Variants in ELP3 observed in about 807,000 individuals in gnomAD.
ELP3 encodes the protein elongator complex protein 3.
In ELP3, 56 loss-of-function variants were observed where a neutral mutation model predicts 74.9. The ratio of observed to expected loss-of-function variants is 0.75; its 90% CI spans 0.60 to 0.93. The LOEUF is 0.93. Ranked by LOEUF, ELP3 falls within the 40% of genes least tolerant of loss-of-function variation. The pLI is 0.00. For missense variants in ELP3, 573 were observed against 686.5 expected (o/e 0.83, Z 1.85); for synonymous variants, 222 against 239.8 (o/e 0.93, Z 0.68).
chr8:28,093,879 T>C (rs1201738800), intron 1 of ELP3, among the ~76,000 whole-genome samples: 1 of 152,254 alleles, frequency 6.6e-6, no homozygotes, highest in Non-Finnish European at 1.5e-5. Flanking sequence ...GCTTGTATTT[T>C]GAAGTCGGTA....
At chr8:28,139,009 G>A (rs1178393686) in intron 10 of ELP3, among the ~76,000 whole-genome samples, 1 of 152,184 alleles carries the variant, frequency 6.6e-6, no homozygotes, top group Non-Finnish European at 1.5e-5. Context: ...GTGCGGAGCA[G>A]TGTAGGTATC....
intron 4 of ELP3, among the ~76,000 whole-genome samples, chr8:28,107,123 T>G (rs1229292852): frequency 2.0e-5 from 3 of 152,006 alleles, no homozygotes; most frequent in Non-Finnish European, 4.4e-5. Flanking sequence ...TGGCATGCGC[T>G]TCTAGTCCCA....
chr8:28,106,497 G>A (rs1398889916), intron 3 of ELP3, among the ~76,000 whole-genome samples: 3 of 140,432 alleles, frequency 2.1e-5, no homozygotes, highest in Non-Finnish European at 3.0e-5. Context: ...CCGAGATCCC[G>A]CCACTGCACT....
chr8:28,155,661 T>G (rs1368413500), intron 10 of ELP3, among the ~76,000 whole-genome samples: 1 of 152,210 alleles, frequency 6.6e-6, no homozygotes, highest in East Asian at 1.9e-4. Context: ...TATTGGGCAT[T>G]CAGTCATTTG....
intron 1 of ELP3, among the ~76,000 whole-genome samples, chr8:28,096,305 A>G (rs1169184579): frequency 6.6e-6 from 1 of 152,248 alleles, no homozygotes; most frequent in African/African-American, 2.4e-5. Context: ...AATAAAGTGC[A>G]CAATAAATGT....
At position 28,129,661 on chromosome 8, in the gene ELP3, C is replaced by G; in HGVS notation, c.777C>G (p.Asn259Lys). The change falls in exon 8 of 15, where the codon AAC (asparagine) becomes AAG (lysine). Residue 259 changes from asparagine (N) to lysine (K), a missense_variant and splice_region_variant. Coordinates refer to ENST00000256398, the MANE Select transcript of ELP3 (RefSeq NM_018091.6). ...SVYEDVARDTNRGHTVKAVCE... is the reference protein window; with the variant it reads ...SVYEDVARDTKRGHTVKAVCE... ...ATGAAGATGTGGCTAGAGACACCAA[C>G]AGGTAAGATGGTGGCAGGTGATCTT... 1.2e-6 allele frequency: 2 copies of G among 1,614,064 alleles called. No homozygotes were observed. Among genetic ancestry groups the G allele is most frequent in the Non-Finnish European group, 1.7e-6 (2 of 1,179,920 alleles).
At chr8:28,096,544 T>A (rs1811259748) in intron 1 of ELP3, among the ~76,000 whole-genome samples, 1 of 152,222 alleles carries the variant, frequency 6.6e-6, no homozygotes, top group South Asian at 2.1e-4. Flanking sequence ...CTTAGAGATA[T>A]GCCCATCCTT....
chr8:28,097,311 C>CTAAA lies in ELP3; in HGVS notation c.116_119dup (p.Val41Ter). The CTAAA allele has an allele frequency of 6.2e-7, 1 of 1,610,458 alleles. No individual in the cohort carries two copies. Among genetic ancestry groups the CTAAA allele is most frequent in the Non-Finnish European group, 8.5e-7 (1 of 1,176,970 alleles). ...CCACGAGCAGGGGAAAGACATCGATCTAAATAAGTAAGTGGATATAAAGAG... is the reference window on the plus strand; with the variant it reads ...CCACGAGCAGGGGAAAGACATCGATCTAAATAAATAAGTAAGTGGATATAAAGAG... On this transcript the variant is annotated frameshift_variant, in exon 2 of 15. Coordinates refer to ENST00000256398, the MANE Select transcript of ELP3 (RefSeq NM_018091.6). LOFTEE classifies it high-confidence loss of function.
chr8:28,160,660 G>C (rs562289545), intron 13 of ELP3, among the ~76,000 whole-genome samples: 6 of 152,282 alleles, frequency 3.9e-5, no homozygotes, highest in Non-Finnish European at 7.4e-5. Flanking sequence ...GATAAACTGA[G>C]ATTCAGTCAG....
At chr8:28,170,846 C>G (rs1365043451) in intron 14 of ELP3, among the ~76,000 whole-genome samples, 1 of 152,156 alleles carries the variant, frequency 6.6e-6, no homozygotes, top group East Asian at 1.9e-4. Flanking sequence ...TTTTAACACC[C>G]TAAACAAACT....
At chr8:28,108,555 C>A (rs1014464371) in intron 5 of ELP3, among the ~76,000 whole-genome samples, 1 of 143,280 alleles carries the variant, frequency 7.0e-6, no homozygotes, top group Non-Finnish European at 1.5e-5. Context: ...CTCCTGGGTT[C>A]AAGTGATTCT....
At chr8:28,158,050 C>CAAAAAAAAA (rs11323782) in intron 11 of ELP3, among the ~76,000 whole-genome samples, 1 of 93,664 alleles carries the variant, frequency 1.1e-5, no homozygotes, top group Non-Finnish European at 2.2e-5. Flanking sequence ...GCCCTTCTTG[C>CAAAAAAAAA]AAAAAAAAAA....
rs1402073469 is a variant in ELP3 at position 28,137,899 on chromosome 8, G to T, written c.1100+8G>T. 6.4e-7 allele frequency: 1 copy of T among 1,568,414 alleles called. No individual in the cohort carries two copies. The highest frequency in any genetic ancestry group is 2.1e-5 in the Admixed American group (1 of 47,370). On this transcript the variant is annotated splice_region_variant and intron_variant, in intron 10 of 14. Transcript: ENST00000256398. ...AGTGTACCGAGTACAGAGGTAGTGT[G>T]TTATCTTTTATTCCTAAAATAGTTG...
chr8:28,155,877 TTGCCTTAC>T, intron 10 of ELP3, 57 bp from the exon 11 acceptor site: 1 of 1,316,586 alleles, frequency 7.6e-7, no homozygotes, highest in Non-Finnish European at 1.1e-6. Flanking sequence ...TTTAATATCC[TTGCCTTAC>T]TGCTGTGGAG....
upstream of ELP3, among the ~76,000 whole-genome samples, chr8:28,091,018 T>A (rs34247390): frequency 3.3e-5 from 5 of 150,014 alleles, no homozygotes; most frequent in East Asian, 2.0e-4. Flanking sequence ...GCCATTCTCC[T>A]GCCTCAGCCT....
In ELP3 at chr8:28,097,215, C is replaced by G. The variant is rs1291816466; in HGVS notation, c.20-4C>G. On this transcript the variant is annotated splice_polypyrimidine_tract_variant and splice_region_variant and intron_variant, in intron 1 of 14. Transcript: ENST00000256398. ...TTTGACATTGTTGAATATTAACTTT[C>G]CAGGAGATCTCAGCCCTGCTGAGCT... The G allele has an allele frequency of 1.9e-6, 3 of 1,588,728 alleles. No individual in the cohort carries two copies. The highest frequency in any genetic ancestry group is 3.7e-5 in the Admixed American group (2 of 54,504).
At chr8:28,140,403 CA>C (rs1218100308) in intron 10 of ELP3, among the ~76,000 whole-genome samples, 2 of 152,002 alleles carry the variant, frequency 1.3e-5, no homozygotes, top group African/African-American at 2.4e-5. Flanking sequence ...TAGTTTATAC[CA>C]ATATTCCTAA....
intron 1 of ELP3, among the ~76,000 whole-genome samples, chr8:28,096,548 C>T (rs1047699071): frequency 1.3e-5 from 2 of 152,214 alleles, no homozygotes; most frequent in African/African-American, 4.8e-5. Flanking sequence ...GAGATATGCC[C>T]ATCCTTGAAC....
In ELP3 at chr8:28,174,409, C is replaced by G. The variant is rs116983080; in HGVS notation, c.1567+12331C>G. On this transcript the variant is annotated intron_variant, in intron 14 of 14. Transcript: ENST00000256398. ...TGTTTTGTCTGATAATATAATCACTCTATGACTCTTTTGGTTATTAGTTGT... is the reference window on the plus strand; with the variant it reads ...TGTTTTGTCTGATAATATAATCACTGTATGACTCTTTTGGTTATTAGTTGT... 2.5e-3 allele frequency among the ~76,000 whole-genome samples: 377 copies of G among 152,148 alleles called. 3 individuals carry two copies. Among genetic ancestry groups the G allele is most frequent in the South Asian group, 0.019 (90 of 4,824 alleles).
Sources: gnomAD v4.1 joint callset for allele counts (sites outside exome capture counted in the v4.1 genomes callset) on GRCh38, gnomAD v4.1.1 for gene constraint, MANE v1.5 for transcripts, NCBI Gene and HGNC (gene_info 2026-07-23, HGNC 2026-07-21) for gene names.